The following ZBTB16 variants were observed in gnomAD, a reference collection of about 807,000 sequenced individuals.
ZBTB16 encodes zinc finger and BTB domain-containing protein 16.
In ZBTB16, 8 loss-of-function variants were observed where a neutral mutation model predicts 56.8. The ratio of observed to expected loss-of-function variants is 0.14; its 90% confidence interval spans 0.08 to 0.25. ZBTB16 has a LOEUF of 0.25. Ranked by LOEUF, ZBTB16 falls within the 10% of genes least tolerant of loss-of-function variation. The probability of loss-of-function intolerance (pLI) is 1.00; values close to 1 mark genes in which losing one functional copy is unlikely to be tolerated. For missense variants in ZBTB16, 625 were observed against 903.0 expected (o/e 0.69, Z 3.95); for synonymous variants, 363 against 368.5 (o/e 0.98, Z 0.17).
At chr11:114,067,603 C>T in intron 2 of ZBTB16, among the ~76,000 whole-genome samples, 1 of 152,116 alleles carries the variant, frequency 6.6e-6, no homozygotes, top group East Asian at 1.9e-4. Context: ...GATGGGGTTT[C>T]ACCATGTTGG....
At chr11:114,231,109 C>CTT (rs1944435842) in intron 4 of ZBTB16, among the ~76,000 whole-genome samples, 7 of 152,244 alleles carry the variant, frequency 4.6e-5, no homozygotes, top group Admixed American at 3.9e-4. Context: ...TAGAAAGCAT[C>CTT]TTTTACATGT....
chr11:114,186,892 G>A lies in ZBTB16; in HGVS notation c.1367-60G>A. 5 of 1,550,780 alleles carry A rather than the reference G, an allele frequency of 3.2e-6. No individual in the cohort carries two copies. The South Asian group carries it at 5.6e-5, about 17-fold the overall frequency. On this transcript the variant is annotated intron_variant, in intron 3 of 6. Coordinates refer to ENST00000335953, the MANE Select transcript of ZBTB16 (RefSeq NM_006006.6). ...GTCTACCTGCACAGTTGTGGCCCAG[G>A]ACCTCCCCGCTCACCAGTGGACTAT...
At chr11:114,218,363 G>T (rs1944155815) in intron 4 of ZBTB16, among the ~76,000 whole-genome samples, 1 of 152,150 alleles carries the variant, frequency 6.6e-6, no homozygotes, top group African/African-American at 2.4e-5. Flanking sequence ...AGGAGCTCAG[G>T]GCCCTGGGTC....
intron 3 of ZBTB16, among the ~76,000 whole-genome samples, chr11:114,157,853 C>T (rs1055477267): frequency 2.6e-5 from 4 of 152,168 alleles, no homozygotes; most frequent in African/African-American, 7.2e-5. Context: ...CCCATGTCTT[C>T]GTGCATTCTG....
chr11:114,203,118 T>A (rs1943773806), intron 4 of ZBTB16, among the ~76,000 whole-genome samples: 1 of 152,204 alleles, frequency 6.6e-6, no homozygotes, highest in Admixed American at 6.5e-5. Flanking sequence ...GACTATAATT[T>A]GGCCATAAAA....
At chr11:114,194,987 G>A (rs1943573972) in intron 4 of ZBTB16, among the ~76,000 whole-genome samples, 1 of 152,176 alleles carries the variant, frequency 6.6e-6, no homozygotes, top group Admixed American at 6.5e-5. Context: ...GCTTCTCCAT[G>A]TCATTTGATC....
intron 4 of ZBTB16, among the ~76,000 whole-genome samples, chr11:114,195,954 T>C (rs1943598385): frequency 6.6e-6 from 1 of 152,204 alleles, no homozygotes; most frequent in South Asian, 2.1e-4. Flanking sequence ...ATTTGCAATG[T>C]GCCCACTGAG....
At chr11:114,067,850 A>G (rs1412973606) in intron 2 of ZBTB16, among the ~76,000 whole-genome samples, 1 of 152,026 alleles carries the variant, frequency 6.6e-6, no homozygotes, top group Non-Finnish European at 1.5e-5. Flanking sequence ...CTCAGCCCTC[A>G]CTCAGATCAA....
rs75254935 is a variant in ZBTB16, at chr11:114,164,679, C to G, written c.1366+8245C>G. Among the ~76,000 whole-genome samples, 1,379 of 152,314 alleles carry G rather than the reference C, an allele frequency of 9.1e-3. 16 individuals are homozygous for G. The highest frequency in any genetic ancestry group is 0.031 in the African/African-American group (1,308 of 41,576). ...TTCTTAGGAGGCCTGGCCGTGCTTT[C>G]TCTTGCCCTCAGCCCCATTCCCTAG... On this transcript the variant is annotated intron_variant, in intron 3 of 6. Transcript: ENST00000335953.
chr11:114,170,634 A>G (rs1180844300), intron 3 of ZBTB16, among the ~76,000 whole-genome samples: 2 of 152,204 alleles, frequency 1.3e-5, no homozygotes, highest in Non-Finnish European at 2.9e-5. Flanking sequence ...GGAAAAAAAA[A>G]AAAGCAAATT....
intron 2 of ZBTB16, among the ~76,000 whole-genome samples, chr11:114,149,580 T>A (rs899413809): frequency 2.0e-5 from 3 of 152,218 alleles, no homozygotes; most frequent in Non-Finnish European, 4.4e-5. Flanking sequence ...ATGGCATACA[T>A]AAAGAGCTGT....
chr11:114,157,167 A>C (rs151006811), intron 3 of ZBTB16, among the ~76,000 whole-genome samples: 473 of 152,016 alleles, frequency 3.1e-3, no homozygotes, highest in African/African-American at 0.011. Context: ...CTGTTGTTTC[A>C]TTTGGTCTTG....
chr11:114,212,573 C>G (rs891945210), intron 4 of ZBTB16, among the ~76,000 whole-genome samples: 21 of 152,220 alleles, frequency 1.4e-4, no homozygotes, highest in African/African-American at 5.1e-4. Flanking sequence ...GCTATAGAGT[C>G]ACACAGCTAC....
At chr11:114,209,999 G>T (rs617034) in intron 4 of ZBTB16, 374,163 of 979,862 alleles carry the variant, frequency 0.38, 73,356 homozygotes, top group South Asian at 0.44. Flanking sequence ...CAAGTTGCTT[G>T]TCCTTTCAGA....
At chr11:114,099,081 T>C (rs1299667812) in intron 2 of ZBTB16, among the ~76,000 whole-genome samples, 5 of 152,224 alleles carry the variant, frequency 3.3e-5, no homozygotes, top group Non-Finnish European at 7.3e-5. Flanking sequence ...ATCAATATGT[T>C]TGCCATGTGG....
At chr11:114,228,357 A>T (rs638369) in intron 4 of ZBTB16, among the ~76,000 whole-genome samples, 134,217 of 152,226 alleles carry the variant, frequency 0.88, 59,279 homozygotes, top group East Asian at 0.98. Flanking sequence ...ATACCTGTAA[A>T]GTCTACCGGT....
Position 114,064,884 on chromosome 11 carries a change from G to A in ZBTB16, c.1268+316G>A, listed in dbSNP as rs1299977000. Reference sequence around the variant, plus strand: ...TGTTTGGTCTGTTCTCCTTTGCTTGGAGTGACTGATAAAATGGAGAGAAGG... The same window carrying A: ...TGTTTGGTCTGTTCTCCTTTGCTTGAAGTGACTGATAAAATGGAGAGAAGG... On this transcript the variant is annotated intron_variant, in intron 2 of 6. Coordinates refer to ENST00000335953, the MANE Select transcript of ZBTB16 (RefSeq NM_006006.6). This position sits in a 1 kb window ranked among gnomAD's most constrained non-coding sequence, Gnocchi z 4.2. 2.0e-5 allele frequency among the ~76,000 whole-genome samples: 3 copies of A among 152,050 alleles called. No homozygotes were observed. Among genetic ancestry groups the A allele is most frequent in the Non-Finnish European group, 4.4e-5 (3 of 68,020 alleles).
intron 2 of ZBTB16, among the ~76,000 whole-genome samples, chr11:114,066,881 C>T (rs934074336): frequency 6.6e-6 from 1 of 151,252 alleles, no homozygotes; most frequent in Non-Finnish European, 1.5e-5. Context: ...AGCGATTCTC[C>T]TGCCTCAGCC....
intron 2 of ZBTB16, among the ~76,000 whole-genome samples, chr11:114,080,651 G>A (rs1292471106): frequency 2.0e-5 from 3 of 152,106 alleles, no homozygotes; most frequent in Non-Finnish European, 4.4e-5. Flanking sequence ...ATACATATGT[G>A]GGAAAAAATT....
Sources: allele counts gnomAD v4.1 joint callset (sites outside exome capture counted in the v4.1 genomes callset), GRCh38; gene constraint gnomAD v4.1.1; non-coding constraint Gnocchi (gnomAD v3.1); transcripts MANE v1.5; gene names NCBI Gene and HGNC (gene_info 2026-07-23, HGNC 2026-07-21).